The following EYS variants were observed in gnomAD, a reference collection of about 807,000 sequenced individuals.
EYS encodes EGF-like photoreceptor maintenance factor, also known as protein eyes shut homolog.
In EYS, 250 loss-of-function variants were observed where a neutral mutation model predicts 282.1. The ratio of observed to expected loss-of-function variants is 0.89; its 90% CI spans 0.80 to 0.98. The LOEUF (loss-of-function observed/expected upper bound fraction) is 0.98. EYS is among the 50% of genes least tolerant of loss of function. The pLI is 0.00. For synonymous variants in EYS, 1,355 were observed against 1,282.9 expected (o/e 1.06, Z -1.20); for missense variants, 4,016 against 3,709.0 (o/e 1.08, Z -2.15).
At chr6:65,479,852 C>T (rs1765543018) in intron 5 of EYS, among the ~76,000 whole-genome samples, 1 of 151,868 alleles carries the variant, frequency 6.6e-6, no homozygotes, top group South Asian at 2.1e-4. Flanking sequence ...CATCAAAGTA[C>T]ATGGAAAAAA....
At chr6:65,136,334 A>C (rs1776022132) in intron 12 of EYS, among the ~76,000 whole-genome samples, 1 of 152,128 alleles carries the variant, frequency 6.6e-6, no homozygotes. Flanking sequence ...CAAATTTTCA[A>C]GCAGGAATAA....
At chr6:65,439,239 C>T (rs184528632) in intron 5 of EYS, among the ~76,000 whole-genome samples, 280 of 152,244 alleles carry the variant, frequency 1.8e-3, no homozygotes, top group African/African-American at 6.6e-3. Flanking sequence ...CAGTACCAAG[C>T]TGTTTTGGTT....
intron 14 of EYS, among the ~76,000 whole-genome samples, chr6:64,993,541 A>G (rs1300312674): frequency 2.3e-5 from 3 of 133,016 alleles, no homozygotes; most frequent in Non-Finnish European, 4.7e-5. Flanking sequence ...ACACATGGAC[A>G]CAGGAAGGGG....
At chr6:65,322,800 A>C (rs1224634496) in intron 11 of EYS, among the ~76,000 whole-genome samples, 1 of 130,416 alleles carries the variant, frequency 7.7e-6, no homozygotes, top group African/African-American at 2.6e-5. Context: ...CGTCTCAAAA[A>C]AAAAAAAAAA....
chr6:65,290,324 CAAT>C (rs1162591097), intron 12 of EYS, among the ~76,000 whole-genome samples: 11 of 150,748 alleles, frequency 7.3e-5, no homozygotes, highest in African/African-American at 2.7e-4. Context: ...TTGAAAATAA[CAAT>C]GATATGCAGA....
At chr6:64,060,865 C>T (rs1771142531) in intron 33 of EYS, among the ~76,000 whole-genome samples, 1 of 152,094 alleles carries the variant, frequency 6.6e-6, no homozygotes, top group Non-Finnish European at 1.5e-5. Context: ...GTTCTTGCTG[C>T]CCAACTATTA....
chr6:64,007,855 G>C (rs1768425375), intron 33 of EYS, among the ~76,000 whole-genome samples: 1 of 152,098 alleles, frequency 6.6e-6, no homozygotes, highest in Admixed American at 6.5e-5. Flanking sequence ...TAATAGTACG[G>C]TTGGTATGGT....
intron 36 of EYS, among the ~76,000 whole-genome samples, chr6:63,820,959 C>G (rs998431047): frequency 6.6e-6 from 1 of 151,986 alleles, no homozygotes; most frequent in African/African-American, 2.4e-5. Context: ...AGATCAGACT[C>G]AAAAGCTTTG....
At chr6:65,637,640 G>T (rs1488508413) in intron 2 of EYS, among the ~76,000 whole-genome samples, 1 of 152,206 alleles carries the variant, frequency 6.6e-6, no homozygotes, top group Non-Finnish European at 1.5e-5. Flanking sequence ...CCTGCTCCCT[G>T]GCCTCTCCCC....
At chr6:63,882,169 A>G (rs992399100) in intron 35 of EYS, among the ~76,000 whole-genome samples, 1 of 152,238 alleles carries the variant, frequency 6.6e-6, no homozygotes, top group Non-Finnish European at 1.5e-5. Flanking sequence ...GTCATTTATT[A>G]CCAAAAGTAT....
At chr6:63,815,005 A>G (rs1771143433) in intron 36 of EYS, among the ~76,000 whole-genome samples, 1 of 152,166 alleles carries the variant, frequency 6.6e-6, no homozygotes, top group Non-Finnish European at 1.5e-5. Context: ...TAACTCATGA[A>G]TTTCTTCATG....
chr6:65,343,709 T>C (rs1405867609), intron 10 of EYS, among the ~76,000 whole-genome samples: 1 of 151,340 alleles, frequency 6.6e-6, no homozygotes, highest in East Asian at 1.9e-4. Flanking sequence ...CATTTCATTA[T>C]GATCTGTAAG....
chr6:65,237,109 C>A (rs1310090263), intron 12 of EYS, among the ~76,000 whole-genome samples: 1 of 152,040 alleles, frequency 6.6e-6, no homozygotes, highest in Non-Finnish European at 1.5e-5. Context: ...TAATAGAGAA[C>A]TGGGTAAACC....
chr6:64,265,358 T>C (rs959924612), intron 30 of EYS, among the ~76,000 whole-genome samples: 1 of 152,154 alleles, frequency 6.6e-6, no homozygotes, highest in Non-Finnish European at 1.5e-5. Context: ...TATAGGCTGG[T>C]CCAACATTGG....
chr6:64,931,375 T>A (rs1768717436), intron 15 of EYS, among the ~76,000 whole-genome samples: 1 of 152,116 alleles, frequency 6.6e-6, no homozygotes, highest in African/African-American at 2.4e-5. Context: ...AAATAGGATA[T>A]TCATGTATCC....
At chr6:64,993,121 T>C (rs1312673858) in intron 14 of EYS, among the ~76,000 whole-genome samples, 2 of 152,088 alleles carry the variant, frequency 1.3e-5, no homozygotes, top group African/African-American at 4.8e-5. Context: ...TCCCCATTAA[T>C]TCTGGATTGA....
intron 36 of EYS, among the ~76,000 whole-genome samples, chr6:63,837,392 T>C (rs980077081): frequency 1.3e-5 from 2 of 152,072 alleles, no homozygotes; most frequent in African/African-American, 4.8e-5. Flanking sequence ...AGCTTATCTC[T>C]GTTTATGTCA....
At chr6:64,779,130 T>C (rs1773779216) in intron 22 of EYS, among the ~76,000 whole-genome samples, 1 of 152,148 alleles carries the variant, frequency 6.6e-6, no homozygotes, top group Non-Finnish European at 1.5e-5. Flanking sequence ...ATCCAGCAAT[T>C]ACACTCTTTG....
At chr6:65,118,291 A>T (rs1775435244) in intron 12 of EYS, among the ~76,000 whole-genome samples, 1 of 152,208 alleles carries the variant, frequency 6.6e-6, no homozygotes, top group African/African-American at 2.4e-5. Flanking sequence ...AGATGCTGGT[A>T]GTCACATGAT....
Sources: gnomAD v4.1 joint callset for allele counts (sites outside exome capture counted in the v4.1 genomes callset) on GRCh38, gnomAD v4.1.1 for gene constraint, MANE v1.5 for transcripts, NCBI Gene and HGNC (gene_info 2026-07-23, HGNC 2026-07-21) for gene names.